ZNF831: variants seen among roughly 807,000 people sequenced by gnomAD.
ZNF831 encodes the protein chromosome 20 open reading frame 174.
ZNF831 carries 59 observed loss-of-function variants against 95.8 expected under a neutral mutation model. The observed-to-expected ratio is 0.62, with a 90% CI of 0.50 to 0.77. The LOEUF is 0.77. ZNF831 is among the 30% of genes least tolerant of loss of function. The pLI is 0.00. For synonymous variants in ZNF831, 961 were observed against 925.5 expected (o/e 1.04, Z -0.70); for missense variants, 2,205 against 2,164.0 (o/e 1.02, Z -0.38).
At chr20:59,165,146 T>TG (rs1260425381) in intron 1 of ZNF831, among the ~76,000 whole-genome samples, 1 of 152,132 alleles carries the variant, frequency 6.6e-6, no homozygotes, top group Non-Finnish European at 1.5e-5. Context: ...GCTGGGAAGC[T>TG]GGGGAGGGTT....
chr20:59,253,975 A>G lies in ZNF831; in HGVS notation c.4266A>G (p.Gln1422=). Residue 1422 remains glutamine, a synonymous_variant, in exon 6 of 6, where the codon CAA becomes CAG. Transcript: ENST00000371030. ...CTGCCACATCAGGATTATCTCTGCA[A>G]TCTGACACCTGCCTGGCAGTGGTTA... ...STAATSGLSL[Q]SDTCLAVVND... is the part of the protein sequence containing the mutation. The G allele has an allele frequency of 1.2e-6, 2 of 1,612,844 alleles. No individual in the cohort carries two copies. Among genetic ancestry groups the G allele is most frequent in the Non-Finnish European group, 1.7e-6 (2 of 1,179,876 alleles).
In ZNF831 at chr20:59,254,228, G is replaced by C. The variant is rs768451998; in HGVS notation, c.4519G>C (p.Glu1507Gln). 3.7e-6 allele frequency: 6 copies of C among 1,614,100 alleles called. No individual in the cohort carries two copies. Among genetic ancestry groups the C allele is most frequent in the Non-Finnish European group, 5.1e-6 (6 of 1,180,002 alleles). ...AGTGAGAACAGATCACATAGCCCAG[G>C]AAATTCACAGTGCTGAATCACGAGA... is the stretch of plus-strand genomic sequence containing the variant. ...LPVRTDHIAQ[E>Q]IHSAESRDHS... Residue 1507 changes from glutamate (E) to glutamine (Q), a missense_variant, in exon 6 of 6, where the codon GAA (glutamate) becomes CAA (glutamine). Coordinates refer to ENST00000371030, the MANE Select transcript of ZNF831 (RefSeq NM_178457.3). This position sits in a 1 kb window ranked among gnomAD's most constrained non-coding sequence, Gnocchi z 4.5.
At chr20:59,155,639 G>A (rs1980495793) in intron 2 of ZNF831, among the ~76,000 whole-genome samples, 1 of 152,238 alleles carries the variant, frequency 6.6e-6, no homozygotes, top group African/African-American at 2.4e-5. Context: ...GCAGGGAGGA[G>A]TGCTGGGGCC....
chr20:59,136,973 C>T (rs952994957), intron 1 of ZNF831, among the ~76,000 whole-genome samples: 1 of 152,200 alleles, frequency 6.6e-6, no homozygotes, highest in Non-Finnish European at 1.5e-5. Context: ...CCACCTTCCA[C>T]CCCTTTGTTC....
At chr20:59,235,626 C>A (rs1253359134) in intron 4 of ZNF831, among the ~76,000 whole-genome samples, 2 of 152,106 alleles carry the variant, frequency 1.3e-5, no homozygotes, top group Non-Finnish European at 2.9e-5. Flanking sequence ...ATATTAGAAT[C>A]CTCGCTGAGA....
At chr20:59,184,738 C>T (rs904974730) in intron 1 of ZNF831, among the ~76,000 whole-genome samples, 41 of 152,140 alleles carry the variant, frequency 2.7e-4, no homozygotes, top group Non-Finnish European at 5.9e-5. Flanking sequence ...TCTTTCGGGG[C>T]CCTAAATGTA....
Position 59,239,252 on chromosome 20 carries a change from A to G in ZNF831, c.4028-13726A>G, listed in dbSNP as rs533477237. On this transcript the variant is annotated intron_variant, in intron 4 of 5. Transcript: ENST00000371030. ...CCCATTCCCAGCGCTTCCAGCCCTCAGGTTTTGTTGGATGTTCATGCAATT... is the reference window on the plus strand; with the variant it reads ...CCCATTCCCAGCGCTTCCAGCCCTCGGGTTTTGTTGGATGTTCATGCAATT... Among the ~76,000 whole-genome samples the G allele has an allele frequency of 1.7e-4, 26 of 152,112 alleles. No individual in the cohort carries two copies. The South Asian group carries it at 5.2e-3, about 30-fold the overall frequency.
chr20:59,172,693 C>A (rs1234033148), intron 1 of ZNF831, among the ~76,000 whole-genome samples: 2 of 152,118 alleles, frequency 1.3e-5, no homozygotes, highest in Non-Finnish European at 2.9e-5. Context: ...GTCAACCAAC[C>A]TAGGAAGCTG....
chr20:59,184,040 C>T (rs551144965), intron 1 of ZNF831, among the ~76,000 whole-genome samples: 3 of 128,394 alleles, frequency 2.3e-5, no homozygotes, highest in East Asian at 1.9e-4. Flanking sequence ...TCCCCTCCTC[C>T]CCCAACCCCT....
intron 1 of ZNF831, among the ~76,000 whole-genome samples, chr20:59,144,236 G>A (rs461588): frequency 0.096 from 14,565 of 152,088 alleles, 1,601 homozygotes; most frequent in African/African-American, 0.27. Context: ...TATGACAGTC[G>A]CTTCCTTACC....
intron 1 of ZNF831, among the ~76,000 whole-genome samples, chr20:59,126,910 G>T (rs542344439): frequency 6.6e-6 from 1 of 152,158 alleles, no homozygotes; most frequent in African/African-American, 2.4e-5. Flanking sequence ...TCTCTCCTGG[G>T]TAAGTGGTGG....
chr20:59,147,647 C>A (rs1281314356), intron 2 of ZNF831, among the ~76,000 whole-genome samples: 1 of 152,162 alleles, frequency 6.6e-6, no homozygotes, highest in Non-Finnish European at 1.5e-5. Flanking sequence ...AAGAATGAGG[C>A]CCCCCTCATC....
chr20:59,127,629 C>A (rs1050817294), intron 1 of ZNF831, among the ~76,000 whole-genome samples: 1 of 152,204 alleles, frequency 6.6e-6, no homozygotes, highest in African/African-American at 2.4e-5. Flanking sequence ...ACTCAAAGGT[C>A]TCCTACTTTA....
Position 59,193,288 on chromosome 20 carries a change from C to T in ZNF831, c.2269C>T (p.Leu757=), listed in dbSNP as rs1401736803. The T allele has an allele frequency of 1.1e-5, 17 of 1,611,274 alleles. No individual in the cohort carries two copies. The highest frequency in any genetic ancestry group is 1.4e-5 in the Non-Finnish European group (17 of 1,178,812). The change falls in exon 2 of 6, where the codon CTG becomes TTG. Residue 757 remains leucine, a synonymous_variant. Coordinates refer to ENST00000371030, the MANE Select transcript of ZNF831 (RefSeq NM_178457.3). The part of the protein sequence containing the change: ...PLVSPNGRLE[L]GWQMPPAPGP... Reference sequence around the variant, plus strand: ...GGTCTCTCCAAATGGGAGGCTGGAACTGGGGTGGCAGATGCCCCCAGCACC... The same window carrying T: ...GGTCTCTCCAAATGGGAGGCTGGAATTGGGGTGGCAGATGCCCCCAGCACC...
chr20:59,139,395 T>G (rs1377113761), intron 1 of ZNF831, among the ~76,000 whole-genome samples: 1 of 152,224 alleles, frequency 6.6e-6, no homozygotes, highest in Admixed American at 6.5e-5. Context: ...TTCTTGTTTC[T>G]GTTTTTCTGT....
At chr20:59,171,731 A>T (rs1368533062) in intron 1 of ZNF831, among the ~76,000 whole-genome samples, 3 of 152,236 alleles carry the variant, frequency 2.0e-5, no homozygotes, top group Non-Finnish European at 4.4e-5. Flanking sequence ...AAACTCATTC[A>T]TATAACACAC....
At chr20:59,199,560 A>C (rs1984382970) in intron 3 of ZNF831, among the ~76,000 whole-genome samples, 1 of 152,276 alleles carries the variant, frequency 6.6e-6, no homozygotes, top group East Asian at 1.9e-4. Flanking sequence ...CATACTGATC[A>C]AATTCATTCA....
In ZNF831 at chr20:59,217,793, A is replaced by G. The variant is rs1236074847; in HGVS notation, c.4027+10737A>G. 1.3e-5 allele frequency among the ~76,000 whole-genome samples: 2 copies of G among 152,170 alleles called. No individual in the cohort carries two copies. The highest frequency in any genetic ancestry group is 2.9e-5 in the Non-Finnish European group (2 of 68,024). On this transcript the variant is annotated intron_variant, in intron 4 of 5. Transcript: ENST00000371030. This position sits in a 1 kb window ranked among gnomAD's most constrained non-coding sequence, Gnocchi z 4.4. Reference sequence around the variant, plus strand: ...CGTTTATTTATTTATTTATTTTTTTAAATCACAGAGAAGTAAGTTTCTCTT... The same window carrying G: ...CGTTTATTTATTTATTTATTTTTTTGAATCACAGAGAAGTAAGTTTCTCTT...
chr20:59,254,193 T>A lies in ZNF831; in HGVS notation c.4484T>A (p.Ile1495Asn). 1 of 1,614,112 alleles carries A rather than the reference T, an allele frequency of 6.2e-7. No homozygotes were observed. The highest frequency in any genetic ancestry group is 8.5e-7 in the Non-Finnish European group (1 of 1,180,026). ...DIATSVAAVC[I>N]SLPVRTDHIA... ...GCTACCTCTGTGGCTGCCGTTTGTA[T>A]TTCTCTGCCAGTGAGAACAGATCAC... Residue 1495 changes from isoleucine (I) to asparagine (N), a missense_variant, in exon 6 of 6, where the codon ATT (isoleucine) becomes AAT (asparagine). By Grantham distance (149) the Ile-to-Asn change is moderately radical. Transcript: ENST00000371030. The surrounding 1 kb of genome is among the most constrained non-coding windows in gnomAD (Gnocchi z 4.5).
Sources: gnomAD v4.1 joint callset for allele counts (sites outside exome capture counted in the v4.1 genomes callset) on GRCh38, gnomAD v4.1.1 for gene constraint, Gnocchi (gnomAD v3.1) non-coding constraint, MANE v1.5 for transcripts, NCBI Gene and HGNC (gene_info 2026-07-23, HGNC 2026-07-21) for gene names.